PLD5: variants seen among roughly 807,000 people sequenced by gnomAD.
PLD5 encodes inactive phospholipase D5.
Under a neutral mutation model 61.1 loss-of-function variants are expected in PLD5, and 36 were observed. The ratio of observed to expected loss-of-function variants is 0.59; its 90% CI spans 0.45 to 0.78. The LOEUF is 0.78. Ranked by LOEUF, PLD5 falls within the 30% of genes least tolerant of loss-of-function variation. The probability of loss-of-function intolerance (pLI) is 0.00; values close to 1 mark genes in which losing one functional copy is unlikely to be tolerated. For synonymous variants in PLD5, 243 were observed against 242.8 expected (o/e 1.00, Z -0.01); for missense variants, 515 against 644.4 (o/e 0.80, Z 2.17).
chr1:242,199,538 A>T (rs939411635), intron 5 of PLD5, among the ~76,000 whole-genome samples: 1 of 152,178 alleles, frequency 6.6e-6, no homozygotes, highest in Admixed American at 6.5e-5. Flanking sequence ...TACAGGGGTG[A>T]GCCATGGTGC....
chr1:242,301,204 T>G (rs1161227075), intron 2 of PLD5, among the ~76,000 whole-genome samples: 2 of 152,084 alleles, frequency 1.3e-5, no homozygotes, highest in Non-Finnish European at 2.9e-5. Flanking sequence ...TGTGCCTGGG[T>G]GATAAGCCTA....
chr1:242,313,480 T>C (rs1267882213), intron 2 of PLD5, among the ~76,000 whole-genome samples: 2 of 152,238 alleles, frequency 1.3e-5, no homozygotes, highest in Non-Finnish European at 2.9e-5. Context: ...GTTTTTATTC[T>C]AGTGGCATTA....
intron 8 of PLD5, among the ~76,000 whole-genome samples, chr1:242,106,744 G>T (rs1423013887): frequency 6.6e-6 from 1 of 152,196 alleles, no homozygotes; most frequent in South Asian, 2.1e-4. Flanking sequence ...CCTAAATGCT[G>T]CAAGGAATGC....
intron 2 of PLD5, among the ~76,000 whole-genome samples, chr1:242,301,792 T>TATTATTATTATG (rs1259148117): frequency 6.7e-6 from 1 of 148,738 alleles, no homozygotes; most frequent in Non-Finnish European, 1.5e-5. Flanking sequence ...TTATTATTAT[T>TATTATTATTATG]AGAGACAGAA....
chr1:242,443,441 G>A (rs888836206), intron 1 of PLD5, among the ~76,000 whole-genome samples: 3 of 152,050 alleles, frequency 2.0e-5, no homozygotes, highest in Admixed American at 6.6e-5. Context: ...TGGGTCTTAG[G>A]GAGTCTGGGC....
intron 1 of PLD5, chr1:242,449,400 G>A (rs1666690169): frequency 1.3e-6 from 2 of 1,535,942 alleles, no homozygotes; most frequent in Admixed American, 2.0e-5. Flanking sequence ...CAGCAGCCAG[G>A]AGCTGTCGCT....
rs1668511102 is a variant in PLD5, at chr1:242,500,249, G to C, written c.189+23839C>G. The stretch of plus-strand genomic sequence containing the variant: ...CTAAAAAAACAAACTCATGCATCTT[G>C]GGACACTTCTAGGTGCATACCAGCT... On this transcript the variant is annotated intron_variant, in intron 1 of 9. Transcript: ENST00000536534. 2.6e-5 allele frequency among the ~76,000 whole-genome samples: 4 copies of C among 152,158 alleles called. 1 individual carries two copies. The South Asian group carries it at 8.3e-4, about 31-fold the overall frequency.
chr1:242,450,115 CTT>C (rs1394136069), intron 1 of PLD5, among the ~76,000 whole-genome samples: 1 of 152,186 alleles, frequency 6.6e-6, no homozygotes, highest in Admixed American at 6.5e-5. Context: ...CCACGGGGCT[CTT>C]TGCTTTTCCT....
chr1:242,403,919 T>C (rs2149281021), intron 1 of PLD5, among the ~76,000 whole-genome samples: 1 of 152,280 alleles, frequency 6.6e-6, no homozygotes, highest in South Asian at 2.1e-4. Flanking sequence ...CTATGTATTA[T>C]AAAAATAATA....
chr1:242,315,906 T>TA (rs1344172622), intron 2 of PLD5, among the ~76,000 whole-genome samples: 10 of 152,192 alleles, frequency 6.6e-5, no homozygotes, highest in Non-Finnish European at 1.3e-4. Context: ...TCTTTGTATA[T>TA]AGGAATTCAA....
intron 5 of PLD5, among the ~76,000 whole-genome samples, chr1:242,144,551 C>T (rs1160942246): frequency 2.6e-5 from 4 of 152,052 alleles, no homozygotes; most frequent in East Asian, 3.9e-4. Context: ...GAGGCTGAGG[C>T]GGGAGGATCA....
upstream of PLD5, among the ~76,000 whole-genome samples, chr1:242,529,059 G>A (rs1247804884): frequency 6.6e-6 from 1 of 152,124 alleles, no homozygotes; most frequent in Non-Finnish European, 1.5e-5. Context: ...TCAAGAAATA[G>A]ATTCAACAGC....
intron 5 of PLD5, among the ~76,000 whole-genome samples, chr1:242,143,738 C>T (rs1293669968): frequency 2.0e-5 from 3 of 152,122 alleles, no homozygotes; most frequent in Non-Finnish European, 4.4e-5. Flanking sequence ...GGGACCAGAA[C>T]AAACATACAA....
At chr1:242,119,676 C>T (rs544539882) in intron 6 of PLD5, among the ~76,000 whole-genome samples, 1 of 152,036 alleles carries the variant, frequency 6.6e-6, no homozygotes. Flanking sequence ...CAGAAAATAA[C>T]AAGTGTTGCC....
intron 1 of PLD5, among the ~76,000 whole-genome samples, chr1:242,430,503 T>G (rs750210601): frequency 6.6e-6 from 1 of 152,074 alleles, no homozygotes; most frequent in Admixed American, 6.6e-5. Context: ...AGCTTAGGGT[T>G]TCAGTATATA....
chr1:242,221,493 T>C (rs1189532484), intron 4 of PLD5, among the ~76,000 whole-genome samples: 4 of 152,190 alleles, frequency 2.6e-5, no homozygotes, highest in Non-Finnish European at 4.4e-5. Context: ...ATGAACTTAA[T>C]GCTTAACTCT....
chr1:242,413,555 G>A (rs35163376), intron 1 of PLD5, among the ~76,000 whole-genome samples: 67,080 of 152,076 alleles, frequency 0.44, 16,354 homozygotes, highest in African/African-American at 0.66. Flanking sequence ...GTCATTCACA[G>A]AGATTTGTTC....
chr1:242,425,789 C>T (rs1665388672), intron 1 of PLD5, among the ~76,000 whole-genome samples: 1 of 151,934 alleles, frequency 6.6e-6, no homozygotes, highest in Admixed American at 6.6e-5. Flanking sequence ...ACTACAGGTG[C>T]CCGCCACCAC....
intron 1 of PLD5, among the ~76,000 whole-genome samples, chr1:242,521,500 A>T (rs1669279252): frequency 6.6e-6 from 1 of 152,188 alleles, no homozygotes; most frequent in South Asian, 2.1e-4. Flanking sequence ...TATTATGATG[A>T]CCAAATATGT....
Sources: gnomAD v4.1 joint callset for allele counts (sites outside exome capture counted in the v4.1 genomes callset) on GRCh38, gnomAD v4.1.1 for gene constraint, MANE v1.5 for transcripts, NCBI Gene and HGNC (gene_info 2026-07-23, HGNC 2026-07-21) for gene names.